RUFY2: variants seen among roughly 807,000 people sequenced by gnomAD.
The protein encoded by RUFY2 is RUN and FYVE domain-containing protein 2.
RUFY2 carries 49 observed loss-of-function variants against 94.4 expected under a neutral mutation model. The ratio of observed to expected loss-of-function variants is 0.52; its 90% CI spans 0.41 to 0.66. The LOEUF (loss-of-function observed/expected upper bound fraction) is 0.66, where lower values mean the gene tolerates loss of function less well. RUFY2 is among the 30% of genes least tolerant of loss of function. The probability of loss-of-function intolerance (pLI) is 0.00; values close to 1 mark genes in which losing one functional copy is unlikely to be tolerated. For synonymous variants in RUFY2, 255 were observed against 235.7 expected, an observed-to-expected ratio of 1.08 and a Z score of -0.75; for missense variants, 541 against 692.8, an observed-to-expected ratio of 0.78 and a Z score of 2.46.
chr10:68,384,659 A>C (rs1232123023), intron 8 of RUFY2, among the ~76,000 whole-genome samples: 1 of 152,232 alleles, frequency 6.6e-6, no homozygotes, highest in East Asian at 1.9e-4. Context: ...TGACTACAAC[A>C]AACAAGAGAC....
intron 16 of RUFY2, among the ~76,000 whole-genome samples, chr10:68,354,593 C>G (rs972304499): frequency 3.3e-5 from 5 of 152,196 alleles, no homozygotes; most frequent in Non-Finnish European, 5.9e-5. Context: ...CACAACCATA[C>G]TGGTAAAGTG....
chr10:68,354,524 G>T (rs1589784006), intron 16 of RUFY2, among the ~76,000 whole-genome samples: 1 of 152,264 alleles, frequency 6.6e-6, no homozygotes, highest in East Asian at 1.9e-4. Flanking sequence ...ACCTATCACT[G>T]AAGTGATCAC....
chr10:68,382,734 A>G (rs12220256), intron 10 of RUFY2, among the ~76,000 whole-genome samples: 2 of 148,614 alleles, frequency 1.3e-5, no homozygotes, highest in South Asian at 2.1e-4. Flanking sequence ...AAAAAGAAAA[A>G]AAAAAGAAAT....
intron 1 of RUFY2, among the ~76,000 whole-genome samples, chr10:68,406,139 A>C (rs1447360529): frequency 2.6e-5 from 4 of 151,234 alleles, no homozygotes; most frequent in Non-Finnish European, 5.9e-5. Context: ...ATTTACAAGT[A>C]ATCAATGTGC....
At chr10:68,381,897 T>C (rs1441185987) in intron 10 of RUFY2, among the ~76,000 whole-genome samples, 1 of 152,102 alleles carries the variant, frequency 6.6e-6, no homozygotes, top group African/African-American at 2.4e-5. Context: ...AATGAAAGCA[T>C]TTTCTATATT....
chr10:68,399,903 T>G lies in RUFY2; in HGVS notation c.296+1717A>C, dbSNP rs555898907. ...TTCAAGCAATTCTCCTGCCTCAGCCTCCCAAGTAGCTGGGATTACAGGCAT... is the reference window on the plus strand; with the variant it reads ...TTCAAGCAATTCTCCTGCCTCAGCCGCCCAAGTAGCTGGGATTACAGGCAT... On this transcript the variant is annotated intron_variant, in intron 3 of 17. Coordinates refer to ENST00000602465, the MANE Select transcript of RUFY2 (RefSeq NM_001330103.2). 7.0e-4 allele frequency among the ~76,000 whole-genome samples: 107 copies of G among 152,182 alleles called. 1 individual carries two copies. Among genetic ancestry groups the G allele is most frequent in the African/African-American group, 2.5e-3 (103 of 41,544 alleles).
intron 13 of RUFY2, among the ~76,000 whole-genome samples, chr10:68,365,710 T>A (rs1017786673): frequency 1.3e-5 from 2 of 152,246 alleles, no homozygotes; most frequent in African/African-American, 4.8e-5. Context: ...AACATAATTA[T>A]GCAGTAGAAA....
At position 68,393,969 on chromosome 10, in the gene RUFY2, G is replaced by A; in HGVS notation, c.584+106C>T. The A allele has an allele frequency of 2.1e-6, 3 of 1,420,734 alleles. No individual in the cohort carries two copies. In the South Asian group the frequency reaches 4.1e-5, roughly 19 times the overall value. The allele number at this position is 1,420,734 out of a possible 1,614,324, so 88.0% of individuals were successfully genotyped here. ...AAATGAAATGAAGAAGTCACAGGGG[G>A]GAAAACAACAAAATAAAACCACACT... is the stretch of plus-strand genomic sequence containing the variant. On this transcript the variant is annotated intron_variant, in intron 6 of 17. Transcript: ENST00000602465.
chr10:68,342,287 CT>C (rs1235426220), downstream of RUFY2: 5 of 434,536 alleles, frequency 1.2e-5, no homozygotes, highest in Non-Finnish European at 2.0e-5. Context: ...GATGTTGATA[CT>C]TTTTATATAC....
chr10:68,393,087 C>A (rs765463453), intron 7 of RUFY2, 51 bp downstream of exon 7: 2 of 1,114,918 alleles, frequency 1.8e-6, no homozygotes, highest in South Asian at 1.5e-5. Flanking sequence ...GGGAAAAAAA[C>A]AAAAACCTAA....
At chr10:68,352,368 G>A (rs1267295406) in intron 16 of RUFY2, among the ~76,000 whole-genome samples, 1 of 152,202 alleles carries the variant, frequency 6.6e-6, no homozygotes, top group African/African-American at 2.4e-5. Context: ...AGAAGTTAGG[G>A]AATTCAGGCA....
intron 11 of RUFY2, among the ~76,000 whole-genome samples, chr10:68,379,812 A>ATT (rs57690201): frequency 2.8e-5 from 4 of 142,414 alleles, no homozygotes; most frequent in African/African-American, 7.7e-5. Context: ...GCTATTAGTC[A>ATT]TTTTTTTTTT....
intron 15 of RUFY2, among the ~76,000 whole-genome samples, chr10:68,362,882 T>A (rs1042395163): frequency 6.6e-6 from 1 of 152,170 alleles, no homozygotes; most frequent in Non-Finnish European, 1.5e-5. Flanking sequence ...CCAAACTGTA[T>A]GAAGTTAAGC....
chr10:68,364,464 T>TG (rs1428045636), intron 13 of RUFY2, among the ~76,000 whole-genome samples: 1 of 152,242 alleles, frequency 6.6e-6, no homozygotes, highest in African/African-American at 2.4e-5. Flanking sequence ...AGAGGAGGAA[T>TG]GTAAGATTCT....
At chr10:68,405,474 G>C in intron 1 of RUFY2, 1 of 974,394 alleles carries the variant, frequency 1.0e-6, no homozygotes, top group Non-Finnish European at 1.2e-6. Flanking sequence ...TTTTTAAAAT[G>C]ATCTTCTATG....
intron 15 of RUFY2, among the ~76,000 whole-genome samples, chr10:68,359,974 T>C (rs2047347264): frequency 1.3e-5 from 2 of 152,090 alleles, no homozygotes; most frequent in Non-Finnish European, 1.5e-5. Context: ...TACAGGCACA[T>C]GCCACCACAC....
Position 68,381,226 on chromosome 10 carries a change from C to T in RUFY2, c.1107+6G>A. 1 of 1,595,548 alleles carries T rather than the reference C, an allele frequency of 6.3e-7. No individual in the cohort carries two copies. The highest frequency in any genetic ancestry group is 8.5e-7 in the Non-Finnish European group (1 of 1,170,008). On this transcript the variant is annotated splice_donor_region_variant and intron_variant, in intron 11 of 17. Coordinates refer to ENST00000602465, the MANE Select transcript of RUFY2 (RefSeq NM_001330103.2). ...ACATAAAATGAAATTTAAGAACAAT[C>T]CTTACCTGCAACTTTTGATACATCT...
chr10:68,398,041 C>G (rs2133148160), intron 3 of RUFY2, among the ~76,000 whole-genome samples: 1 of 148,384 alleles, frequency 6.7e-6, no homozygotes, highest in Non-Finnish European at 1.5e-5. Context: ...GCAGGAGAAT[C>G]ACTGGAACCC....
chr10:68,396,496 G>A (rs917011097), intron 4 of RUFY2, among the ~76,000 whole-genome samples: 1 of 151,998 alleles, frequency 6.6e-6, no homozygotes, highest in African/African-American at 2.4e-5. Flanking sequence ...GCAGTTTCCA[G>A]GCAGGGCAAA....
Sources: gnomAD v4.1 joint callset for allele counts (sites outside exome capture counted in the v4.1 genomes callset) on GRCh38, gnomAD v4.1.1 for gene constraint, MANE v1.5 for transcripts, NCBI Gene and HGNC (gene_info 2026-07-23, HGNC 2026-07-21) for gene names.